MGA: variants seen among roughly 807,000 people sequenced by gnomAD.
MGA encodes the protein MAX dimerization protein MGA.
Under a neutral mutation model 261.1 loss-of-function variants are expected in MGA, and 40 were observed. That is an observed-to-expected ratio of 0.15 (90% confidence interval 0.12 to 0.20). The LOEUF is 0.20. Among genes scored for constraint, MGA ranks in the 10% least tolerant of loss-of-function variants. The pLI is 1.00. For missense variants in MGA, 3,397 were observed against 3,630.5 expected (o/e 0.94, Z 1.65); for synonymous variants, 1,302 against 1,290.6 (o/e 1.01, Z -0.19).
intron 2 of MGA, among the ~76,000 whole-genome samples, chr15:41,694,747 C>T (rs951121926): frequency 2.6e-5 from 4 of 151,986 alleles, no homozygotes; most frequent in Non-Finnish European, 5.9e-5. Context: ...CTCCTGACCT[C>T]GTGATCCACC....
intron 10 of MGA, among the ~76,000 whole-genome samples, chr15:41,727,702 A>G (rs1318069549): frequency 6.6e-6 from 1 of 152,204 alleles, no homozygotes; most frequent in Non-Finnish European, 1.5e-5. Flanking sequence ...CCTGTATTGT[A>G]GAATATTAGT....
rs76133167 is a variant in MGA, at chr15:41,745,285, A to T, written c.5212+2113A>T. ...GAAACACCCAAGAATGATCAATAAA[A>T]AAAAAAAAAAAAAAAAAAAAAAGAG... On this transcript the variant is annotated intron_variant, in intron 15 of 23. Coordinates refer to ENST00000219905, the MANE Select transcript of MGA (RefSeq NM_001164273.2). 1.3e-4 allele frequency among the ~76,000 whole-genome samples: 18 copies of T among 138,110 alleles called. No individual in the cohort carries two copies. The South Asian group carries it at 1.7e-3, about 13-fold the overall frequency. 90.6% of individuals were successfully genotyped at this position (138,110 alleles called of 152,430 possible). A position where few individuals can be genotyped will look rare whatever the true frequency, so the allele number is the denominator to read the frequency against.
intron 1 of MGA, among the ~76,000 whole-genome samples, chr15:41,631,055 A>G (rs1350203713): frequency 6.6e-6 from 1 of 152,252 alleles, no homozygotes; most frequent in Non-Finnish European, 1.5e-5. Flanking sequence ...TTCTTTGCAC[A>G]TGAGGCCTTG....
chr15:41,762,735 C>G (rs1382249129), intron 22 of MGA, among the ~76,000 whole-genome samples: 1 of 152,014 alleles, frequency 6.6e-6, no homozygotes, highest in Non-Finnish European at 1.5e-5. Flanking sequence ...TCCCAAAGTG[C>G]TGGGATTACA....
At chr15:41,745,906 A>G (rs2062437216) in intron 15 of MGA, among the ~76,000 whole-genome samples, 1 of 152,216 alleles carries the variant, frequency 6.6e-6, no homozygotes, top group Admixed American at 6.5e-5. Context: ...GCATCCTGCC[A>G]GGAAACACTA....
chr15:41,624,730 A>G (rs760060966), intron 1 of MGA, among the ~76,000 whole-genome samples: 19 of 152,172 alleles, frequency 1.2e-4, no homozygotes, highest in Non-Finnish European at 2.5e-4. Flanking sequence ...TCGGCCTCCT[A>G]AAGTGCTGGG....
chr15:41,733,535 C>T (rs1474952743), intron 11 of MGA, among the ~76,000 whole-genome samples: 1 of 152,194 alleles, frequency 6.6e-6, no homozygotes, highest in Non-Finnish European at 1.5e-5. Flanking sequence ...ACTGCCACCT[C>T]AACATCAGTG....
chr15:41,689,731 A>G lies in MGA; in HGVS notation c.1065-6344A>G, dbSNP rs559648093. On this transcript the variant is annotated intron_variant, in intron 2 of 23. Transcript: ENST00000219905. ...CAGGTATGCACCACCACACCCGACT[A>G]ATTTTTGTATTTTTAGTAGAGACAG... 4.5e-4 allele frequency among the ~76,000 whole-genome samples: 68 copies of G among 151,628 alleles called. No individual in the cohort carries two copies. In the South Asian group the frequency reaches 0.011, roughly 24 times the overall value.
At chr15:41,739,262 T>TC (rs2061959734) in intron 13 of MGA, among the ~76,000 whole-genome samples, 1 of 152,218 alleles carries the variant, frequency 6.6e-6, no homozygotes, top group Non-Finnish European at 1.5e-5. Context: ...GACTATTTAG[T>TC]TAATTATGTC....
At chr15:41,657,082 G>T (rs191467904), upstream of MGA, among the ~76,000 whole-genome samples, 8 of 152,090 alleles carry the variant, frequency 5.3e-5, no homozygotes, top group East Asian at 1.5e-3. Context: ...GCCCAGCCCA[G>T]AAAGTCTTAA....
intron 7 of MGA, among the ~76,000 whole-genome samples, chr15:41,708,421 G>A (rs1440385139): frequency 6.6e-6 from 1 of 152,064 alleles, no homozygotes; most frequent in Non-Finnish European, 1.5e-5. Flanking sequence ...AGGTTCAAGA[G>A]ATTCTTCTGC....
intron 2 of MGA, among the ~76,000 whole-genome samples, chr15:41,676,692 T>A (rs972193531): frequency 1.3e-5 from 2 of 152,204 alleles, no homozygotes; most frequent in African/African-American, 4.8e-5. Context: ...AAATAATGCT[T>A]CAGTAAAATT....
chr15:41,672,004 TTAAAA>T (rs2058089189), intron 2 of MGA, among the ~76,000 whole-genome samples: 1 of 152,228 alleles, frequency 6.6e-6, no homozygotes, highest in Non-Finnish European at 1.5e-5. Flanking sequence ...TCTAACATAA[TTAAAA>T]TAAGATTTAA....
chr15:41,698,112 C>T (rs1408131182), intron 3 of MGA, among the ~76,000 whole-genome samples: 5 of 148,956 alleles, frequency 3.4e-5, no homozygotes, highest in African/African-American at 9.9e-5. Context: ...CCTCGTGATC[C>T]TCCTGCCTCA....
chr15:41,768,202 T>C lies in MGA; in HGVS notation c.*922T>C, dbSNP rs557686273. The C allele has an allele frequency of 6.5e-6, 1 of 152,710 alleles. No homozygotes were observed. Among genetic ancestry groups the C allele is most frequent in the South Asian group, 2.1e-4 (1 of 4,828 alleles). The allele number at this position is 152,710 out of a possible 1,614,324, so 9.5% of individuals were successfully genotyped here. On this transcript the variant is annotated 3_prime_UTR_variant, in exon 24 of 24. Coordinates refer to ENST00000219905, the MANE Select transcript of MGA (RefSeq NM_001164273.2). ...AAACCAGCCTCCTGGTGCTTGAAGG[T>C]TTCATTCACTATTACCTGCACAGGA...
At chr15:41,694,908 C>A (rs940442993) in intron 2 of MGA, among the ~76,000 whole-genome samples, 1 of 152,152 alleles carries the variant, frequency 6.6e-6, no homozygotes, top group Admixed American at 6.5e-5. Flanking sequence ...ATAGCTGGTA[C>A]TACAGGCGTG....
At chr15:41,691,728 G>A in intron 2 of MGA, 1 of 386,244 alleles carries the variant, frequency 2.6e-6, no homozygotes, top group Non-Finnish European at 5.8e-6. Context: ...TTCATGATTG[G>A]CGGTAAAGTA....
At chr15:41,731,602 C>T (rs1465867542) in intron 11 of MGA, among the ~76,000 whole-genome samples, 2 of 152,070 alleles carry the variant, frequency 1.3e-5, no homozygotes, top group Non-Finnish European at 2.9e-5. Context: ...TAGGGACTCC[C>T]TAGTCTTCAG....
At chr15:41,732,226 G>T (rs1340334765) in intron 11 of MGA, among the ~76,000 whole-genome samples, 4 of 150,088 alleles carry the variant, frequency 2.7e-5, no homozygotes. Context: ...TCAGCTCACT[G>T]CAAGCTTCGC....
Sources: gnomAD v4.1 joint callset for allele counts (sites outside exome capture counted in the v4.1 genomes callset) on GRCh38, gnomAD v4.1.1 for gene constraint, MANE v1.5 for transcripts, NCBI Gene and HGNC (gene_info 2026-07-23, HGNC 2026-07-21) for gene names.